CSMD1: variants seen among roughly 807,000 people sequenced by gnomAD.
CSMD1 encodes CUB and Sushi multiple domains 1.
Under a neutral mutation model 417.5 loss-of-function variants are expected in CSMD1, and 213 were observed. The ratio of observed to expected loss-of-function variants is 0.51; its 90% confidence interval spans 0.46 to 0.57. The LOEUF (loss-of-function observed/expected upper bound fraction) is 0.57, where lower values mean the gene tolerates loss of function less well. CSMD1 is among the 20% of genes least tolerant of loss of function. The pLI is 0.00. For synonymous variants in CSMD1, 2,862 were observed against 1,736.8 expected (o/e 1.65, Z -16.11); for missense variants, 6,923 against 4,529.7 (o/e 1.53, Z -15.17).
chr8:4,140,548 G>C (rs1391947053), intron 3 of CSMD1, among the ~76,000 whole-genome samples: 6 of 151,012 alleles, frequency 4.0e-5, no homozygotes, highest in Admixed American at 6.6e-5. Context: ...TGCACCTGTA[G>C]TCTCAGCTAC....
chr8:4,982,586 T>C (rs1373585313), intron 1 of CSMD1, among the ~76,000 whole-genome samples: 1 of 152,214 alleles, frequency 6.6e-6, no homozygotes, highest in African/African-American at 2.4e-5. Flanking sequence ...TTCTTTCTCA[T>C]AGGTTCTATT....
At chr8:3,608,210 G>T (rs1450827956) in intron 8 of CSMD1, among the ~76,000 whole-genome samples, 1 of 151,322 alleles carries the variant, frequency 6.6e-6, no homozygotes, top group East Asian at 1.9e-4. Flanking sequence ...AAGAAAGACA[G>T]GACACTGAAG....
chr8:4,428,799 A>G (rs550629670), intron 2 of CSMD1, among the ~76,000 whole-genome samples: 2 of 152,204 alleles, frequency 1.3e-5, no homozygotes, highest in South Asian at 4.1e-4. Context: ...GGCTCACTGC[A>G]ACCTCCACCT....
intron 5 of CSMD1, among the ~76,000 whole-genome samples, chr8:3,808,489 T>A (rs1273199492): frequency 6.6e-6 from 1 of 152,192 alleles, no homozygotes; most frequent in East Asian, 1.9e-4. Flanking sequence ...ATATGTTTTC[T>A]GCCTTATGAA....
chr8:3,357,360 A>G (rs1351735214), intron 21 of CSMD1, among the ~76,000 whole-genome samples: 2 of 152,190 alleles, frequency 1.3e-5, no homozygotes, highest in Non-Finnish European at 2.9e-5. Context: ...ACATTTCCAC[A>G]TGTAACAGGG....
intron 6 of CSMD1, among the ~76,000 whole-genome samples, chr8:3,729,201 G>A (rs1017238929): frequency 1.1e-4 from 16 of 152,072 alleles, no homozygotes; most frequent in South Asian, 2.1e-4. Context: ...AAGCAATGCC[G>A]TCTTAAAAAG....
chr8:4,045,255 G>A (rs1387080304), intron 3 of CSMD1, among the ~76,000 whole-genome samples: 1 of 152,186 alleles, frequency 6.6e-6, no homozygotes. Flanking sequence ...GCAGAAGTGA[G>A]ACAAAGCCTC....
intron 5 of CSMD1, among the ~76,000 whole-genome samples, chr8:3,763,512 C>T (rs1360741786): frequency 2.0e-5 from 3 of 152,126 alleles, no homozygotes; most frequent in Non-Finnish European, 4.4e-5. Context: ...CCCACTCTAC[C>T]TTCTACTGTG....
chr8:3,830,821 G>T (rs575793080), intron 5 of CSMD1, among the ~76,000 whole-genome samples: 4 of 152,160 alleles, frequency 2.6e-5, no homozygotes, highest in Admixed American at 2.6e-4. Context: ...ATAATTAGGA[G>T]TTATTAAGCT....
intron 6 of CSMD1, among the ~76,000 whole-genome samples, chr8:3,721,389 T>C (rs1043818429): frequency 6.6e-6 from 1 of 152,054 alleles, no homozygotes; most frequent in African/African-American, 2.4e-5. Flanking sequence ...CTAGCCCAGG[T>C]TTTTAGGATC....
At chr8:4,289,836 G>A (rs529773281) in intron 3 of CSMD1, among the ~76,000 whole-genome samples, 3 of 152,254 alleles carry the variant, frequency 2.0e-5, no homozygotes, top group African/African-American at 7.2e-5. Flanking sequence ...TCTAATGTCT[G>A]GCTCAGAGTA....
At chr8:3,726,809 C>A (rs185663432) in intron 6 of CSMD1, among the ~76,000 whole-genome samples, 3 of 152,260 alleles carry the variant, frequency 2.0e-5, no homozygotes, top group East Asian at 3.9e-4. Flanking sequence ...GTGCAAATAT[C>A]TAATGTTTTA....
Position 4,289,184 on chromosome 8 carries a change from T to A in CSMD1, c.415+130769A>T, listed in dbSNP as rs929562170. Among the ~76,000 whole-genome samples, 3 of 152,220 alleles carry A rather than the reference T, an allele frequency of 2.0e-5. No individual in the cohort carries two copies. The East Asian group carries it at 5.8e-4, about 29-fold the overall frequency. The stretch of plus-strand genomic sequence containing the variant: ...ACAGTGTATATTATATAACAGTTTA[T>A]CGGACAAATACTCTTTACCAGTTTC... On this transcript the variant is annotated intron_variant, in intron 3 of 69. Coordinates refer to ENST00000635120, the MANE Select transcript of CSMD1 (RefSeq NM_033225.6).
At chr8:3,904,418 T>A (rs1807970129) in intron 5 of CSMD1, among the ~76,000 whole-genome samples, 1 of 152,132 alleles carries the variant, frequency 6.6e-6, no homozygotes, top group South Asian at 2.1e-4. Context: ...TGTTAGTGCT[T>A]CTCAAACTTG....
intron 10 of CSMD1, among the ~76,000 whole-genome samples, chr8:3,551,299 C>G (rs568183606): frequency 6.6e-6 from 1 of 152,126 alleles, no homozygotes; most frequent in East Asian, 1.9e-4. Context: ...CTGTCATATC[C>G]AAACTCTATA....
At chr8:3,999,673 A>G (rs1815506174) in intron 4 of CSMD1, among the ~76,000 whole-genome samples, 1 of 152,160 alleles carries the variant, frequency 6.6e-6, no homozygotes, top group African/African-American at 2.4e-5. Context: ...AGGCTGGTCT[A>G]CACACTAGGC....
intron 4 of CSMD1, among the ~76,000 whole-genome samples, chr8:4,005,056 A>G (rs971721643): frequency 1.3e-5 from 2 of 152,164 alleles, no homozygotes; most frequent in African/African-American, 2.4e-5. Context: ...CAAACATCCT[A>G]TGTTCTCACT....
At chr8:4,708,497 A>G (rs1028066038) in intron 1 of CSMD1, among the ~76,000 whole-genome samples, 2 of 152,238 alleles carry the variant, frequency 1.3e-5, no homozygotes, top group Admixed American at 6.5e-5. Context: ...ATAAGTCACA[A>G]TAACTCAATC....
At chr8:4,175,515 G>T (rs765704298) in intron 3 of CSMD1, among the ~76,000 whole-genome samples, 1 of 151,574 alleles carries the variant, frequency 6.6e-6, no homozygotes, top group Non-Finnish European at 1.5e-5. Context: ...AAAGACAACT[G>T]ATAGAAGCCC....
Sources: gnomAD v4.1 joint callset for allele counts (sites outside exome capture counted in the v4.1 genomes callset) on GRCh38, gnomAD v4.1.1 for gene constraint, MANE v1.5 for transcripts, NCBI Gene and HGNC (gene_info 2026-07-23, HGNC 2026-07-21) for gene names.